PALLD: variants seen among roughly 807,000 people sequenced by gnomAD.
The protein encoded by PALLD is palladin.
In PALLD, 61 loss-of-function variants were observed where a neutral mutation model predicts 123.5. That is an observed-to-expected ratio of 0.49 (90% CI 0.40 to 0.61). The LOEUF is 0.61. Ranked by LOEUF, PALLD falls within the 20% of genes least tolerant of loss-of-function variation. The pLI is 0.00. For missense variants in PALLD, 1,273 were observed against 1,377.0 expected (o/e 0.92, Z 1.20); for synonymous variants, 465 against 496.4 (o/e 0.94, Z 0.84).
In PALLD at chr4:168,844,276, C is replaced by A. The variant is rs1746475170; in HGVS notation, c.1965-46646C>A. ...CCACCCTTGACTGGGCTTTTTCTACCCAAGTCCAAGTGAACTGCTTTATCC... is the reference window on the plus strand; with the variant it reads ...CCACCCTTGACTGGGCTTTTTCTACACAAGTCCAAGTGAACTGCTTTATCC... On this transcript the variant is annotated intron_variant, in intron 10 of 21. Coordinates refer to ENST00000505667, the MANE Select transcript of PALLD (RefSeq NM_001166108.2). The surrounding 1 kb of genome is among the most constrained non-coding windows in gnomAD (Gnocchi z 4.5). 6.6e-6 allele frequency: 1 copy of A among 152,128 alleles called. No individual in the cohort carries two copies. The highest frequency in any genetic ancestry group is 2.4e-5 in the African/African-American group (1 of 41,426). The allele number at this position is 152,128 out of a possible 1,614,324, so 9.4% of individuals were successfully genotyped here.
intron 2 of PALLD, among the ~76,000 whole-genome samples, chr4:168,568,626 A>C (rs1768655037): frequency 6.6e-6 from 1 of 152,092 alleles, no homozygotes; most frequent in South Asian, 2.1e-4. Flanking sequence ...GTATGCTCAC[A>C]CACACTTTAG....
At chr4:168,796,106 A>G (rs1362830839) in intron 10 of PALLD, among the ~76,000 whole-genome samples, 3 of 152,132 alleles carry the variant, frequency 2.0e-5, no homozygotes, top group African/African-American at 7.2e-5. Flanking sequence ...CCTATTGACT[A>G]TAGTCACCCT....
intron 3 of PALLD, among the ~76,000 whole-genome samples, chr4:168,669,158 C>T (rs1297334175): frequency 6.6e-6 from 1 of 152,116 alleles, no homozygotes; most frequent in Non-Finnish European, 1.5e-5. Flanking sequence ...TCCTTGAGGT[C>T]TGTACTTTTT....
chr4:168,851,928 AAAG>A (rs752280109), intron 10 of PALLD, among the ~76,000 whole-genome samples: 8 of 152,148 alleles, frequency 5.3e-5, no homozygotes, highest in Non-Finnish European at 1.0e-4. Flanking sequence ...GACAGGAAAA[AAAG>A]AGGAGGCTAA....
intron 2 of PALLD, among the ~76,000 whole-genome samples, chr4:168,525,209 C>T (rs1763930397): frequency 6.6e-6 from 1 of 152,174 alleles, no homozygotes; most frequent in African/African-American, 2.4e-5. Context: ...CAAGTGACTT[C>T]TGATATACCT....
At chr4:168,626,039 G>A (rs536783619) in intron 2 of PALLD, among the ~76,000 whole-genome samples, 4 of 152,154 alleles carry the variant, frequency 2.6e-5, no homozygotes, top group South Asian at 2.1e-4. Context: ...TGAGGCAGGC[G>A]GATCACGAGG....
intron 2 of PALLD, among the ~76,000 whole-genome samples, chr4:168,553,283 G>GA (rs1218007015): frequency 1.3e-5 from 2 of 152,050 alleles, no homozygotes; most frequent in South Asian, 4.1e-4. Context: ...CAAGTCTGGG[G>GA]AAAAAAAGCC....
At chr4:168,509,335 T>C (rs1311775292) in intron 1 of PALLD, among the ~76,000 whole-genome samples, 1 of 152,206 alleles carries the variant, frequency 6.6e-6, no homozygotes, top group Non-Finnish European at 1.5e-5. Flanking sequence ...AGCGTCTCCT[T>C]TGAAATAATT....
intron 10 of PALLD, among the ~76,000 whole-genome samples, chr4:168,769,281 G>A (rs952490342): frequency 2.2e-4 from 34 of 152,140 alleles, no homozygotes; most frequent in Admixed American, 9.8e-4. Context: ...TGCCTGCCCT[G>A]GAGCTATCCG....
chr4:168,559,702 G>A (rs1767667716), intron 2 of PALLD, among the ~76,000 whole-genome samples: 1 of 152,002 alleles, frequency 6.6e-6, no homozygotes, highest in Admixed American at 6.6e-5. Flanking sequence ...GTCGAGACAG[G>A]CCTGGGCAAC....
chr4:168,764,903 TGAGC>T (rs1733456446), intron 10 of PALLD, among the ~76,000 whole-genome samples: 1 of 152,164 alleles, frequency 6.6e-6, no homozygotes, highest in African/African-American at 2.4e-5. Context: ...GCATGCTGAG[TGAGC>T]TTCACTTAAA....
chr4:168,757,533 A>C (rs948537892), intron 10 of PALLD, among the ~76,000 whole-genome samples: 1 of 152,258 alleles, frequency 6.6e-6, no homozygotes, highest in Non-Finnish European at 1.5e-5. Context: ...GTTTACTTGT[A>C]GCCATTTCTG....
chr4:168,860,706 C>G (rs532832112), intron 10 of PALLD, among the ~76,000 whole-genome samples: 1 of 152,114 alleles, frequency 6.6e-6, no homozygotes, highest in Non-Finnish European at 1.5e-5. Flanking sequence ...TCTGTAATCC[C>G]GGTTATTTGG....
At chr4:168,804,152 T>C (rs1281723722) in intron 10 of PALLD, among the ~76,000 whole-genome samples, 1 of 152,224 alleles carries the variant, frequency 6.6e-6, no homozygotes, top group Non-Finnish European at 1.5e-5. Context: ...AAATGTATCC[T>C]CACAGATTTA....
At chr4:168,681,064 C>T (rs1042783227) in intron 3 of PALLD, among the ~76,000 whole-genome samples, 2 of 152,082 alleles carry the variant, frequency 1.3e-5, no homozygotes, top group African/African-American at 4.8e-5. Context: ...GTGATGACCA[C>T]AGTGATAAAA....
intron 2 of PALLD, among the ~76,000 whole-genome samples, chr4:168,593,761 A>G (rs757598656): frequency 1.3e-5 from 2 of 152,246 alleles, no homozygotes; most frequent in Non-Finnish European, 2.9e-5. Flanking sequence ...AGTGTTACAA[A>G]GCAGGCCCAC....
At chr4:168,735,811 G>A (rs1288967334) in intron 10 of PALLD, among the ~76,000 whole-genome samples, 1 of 152,030 alleles carries the variant, frequency 6.6e-6, no homozygotes, top group Non-Finnish European at 1.5e-5. Flanking sequence ...TCTGTCTTCT[G>A]AACAAGCGAG....
chr4:168,831,569 C>T (rs918640878), intron 10 of PALLD, among the ~76,000 whole-genome samples: 1 of 152,188 alleles, frequency 6.6e-6, no homozygotes, highest in Admixed American at 6.5e-5. Flanking sequence ...CGTTTTTACA[C>T]TGTATGTGCT....
Position 168,609,710 on chromosome 4 carries a change from G to A in PALLD, c.909-58480G>A, listed in dbSNP as rs1432801264. ...TGGAGTAAAAGGTGGGCTCCTGTGT[G>A]GATACGATGTGGGACCCAAGACGCA... On this transcript the variant is annotated intron_variant, in intron 2 of 21. Transcript: ENST00000505667. Among the ~76,000 whole-genome samples, 7 of 152,230 alleles carry A rather than the reference G, an allele frequency of 4.6e-5. No homozygotes were observed. The East Asian group carries it at 1.2e-3, about 25-fold the overall frequency.
Sources: allele counts gnomAD v4.1 joint callset (sites outside exome capture counted in the v4.1 genomes callset), GRCh38; gene constraint gnomAD v4.1.1; non-coding constraint Gnocchi (gnomAD v3.1); transcripts MANE v1.5; gene names NCBI Gene and HGNC (gene_info 2026-07-23, HGNC 2026-07-21).